Variants in ACAD8 observed in about 807,000 individuals in gnomAD.
ACAD8 encodes isobutyryl-CoA dehydrogenase, mitochondrial.
A neutral mutation model predicts 53.1 loss-of-function variants in ACAD8; 47 were observed. The observed-to-expected ratio is 0.89, with a 90% confidence interval of 0.70 to 1.13. The LOEUF (loss-of-function observed/expected upper bound fraction) is 1.13. Among genes scored for constraint, ACAD8 ranks in the 50% most tolerant of loss-of-function variants. The pLI, the probability that ACAD8 is intolerant of heterozygous loss-of-function variation, is 0.00. For missense variants in ACAD8, 494 were observed against 535.0 expected, an observed-to-expected ratio of 0.92 and a Z score of 0.76; for synonymous variants, 198 against 201.3, an observed-to-expected ratio of 0.98 and a Z score of 0.14.
chr11:134,258,625 G>A lies in ACAD8; in HGVS notation c.490+1G>A, dbSNP rs1293616430. The A allele has an allele frequency of 1.2e-6, 2 of 1,611,430 alleles. No individual in the cohort carries two copies. The highest frequency in any genetic ancestry group is 1.1e-5 in the South Asian group (1 of 90,830). On this transcript the variant is annotated splice_donor_variant, in intron 4 of 10. Transcript: ENST00000281182. LOFTEE classifies it high-confidence loss of function. ...GCTTCCTACTGCCTCACTGAACCAG[G>A]TGAATTTGCCACACTGCACTGAGAT...
Position 134,261,450 on chromosome 11 carries a change from G to C in ACAD8, c.939+78G>C, listed in dbSNP as rs561565007. ...TGCTCTAGGGCCCACATTTCCAGGA[G>C]AGAAGCCAGGAAATTCCTCTGTCAG... On this transcript the variant is annotated intron_variant, in intron 8 of 10. Transcript: ENST00000281182. The surrounding 1 kb of genome is among the most constrained non-coding windows in gnomAD (Gnocchi z 4.2). 11 of 1,553,064 alleles carry C rather than the reference G, an allele frequency of 7.1e-6. No homozygotes were observed. The highest frequency in any genetic ancestry group is 1.1e-5 in the South Asian group (1 of 89,108).
rs1347584475 is a variant in ACAD8 at position 134,261,104 on chromosome 11, G to A, written c.766G>A (p.Ala256Thr). Residue 256 changes from alanine to threonine, a missense_variant, in exon 7 of 11, where the codon GCC (alanine) becomes ACC (threonine). Physicochemically the swap from Ala to Thr is moderately conservative, Grantham distance 58. Transcript: ENST00000281182. This position sits in a 1 kb window ranked among gnomAD's most constrained non-coding sequence, Gnocchi z 4.2. ...CTTCGAAGACTGTGCTGTCCCTGTG[G>A]CCAACAGAATTGGGAGCGAGGGGCA... The part of the protein sequence containing the change: ...VIFEDCAVPV[A>T]NRIGSEGQGF... 16 of 1,611,968 alleles carry A rather than the reference G, an allele frequency of 9.9e-6. No homozygotes were observed. Among genetic ancestry groups the A allele is most frequent in the Non-Finnish European group, 1.4e-5 (16 of 1,179,204 alleles).
At chr11:134,263,881 T>G (rs1940044522) in intron 10 of ACAD8, 4 of 985,370 alleles carry the variant, frequency 4.1e-6, no homozygotes, top group African/African-American at 1.7e-5. Flanking sequence ...TGAGACGATG[T>G]GACTACTGAT....
intron 10 of ACAD8, chr11:134,263,269 G>A (rs956796834): frequency 4.0e-6 from 4 of 1,002,540 alleles, no homozygotes; most frequent in East Asian, 1.1e-4. Flanking sequence ...GAGTGACTTC[G>A]GTGAAGCAAC....
At chr11:134,260,619 TAGA>T (rs1939821566) in intron 6 of ACAD8, 1 of 300,312 alleles carries the variant, frequency 3.3e-6, no homozygotes, top group South Asian at 3.2e-5. Context: ...GTAAAAGGCT[TAGA>T]AATGGAGTTT....
chr11:134,258,640 T>C lies in ACAD8; in HGVS notation c.490+16T>C. On this transcript the variant is annotated intron_variant, in intron 4 of 10. Coordinates refer to ENST00000281182, the MANE Select transcript of ACAD8 (RefSeq NM_014384.3). Reference sequence around the variant, plus strand: ...ACTGAACCAGGTGAATTTGCCACACTGCACTGAGATATAGCAGGGAGAGAT... The same window carrying C: ...ACTGAACCAGGTGAATTTGCCACACCGCACTGAGATATAGCAGGGAGAGAT... 1.3e-6 allele frequency: 2 copies of C among 1,564,744 alleles called. No individual in the cohort carries two copies. Among genetic ancestry groups the C allele is most frequent in the South Asian group, 1.1e-5 (1 of 89,576 alleles).
Position 134,261,932 on chromosome 11 carries a change from G to C in ACAD8, c.1092+42G>C. 6.2e-7 allele frequency: 1 copy of C among 1,609,726 alleles called. No homozygotes were observed. Among genetic ancestry groups the C allele is most frequent in the South Asian group, 1.1e-5 (1 of 90,740 alleles). ...GCTCTCCTGGGATGGACAGGGAACA[G>C]CTGCTAGGCCCAGGGGTCTTGAGAG... On this transcript the variant is annotated intron_variant, in intron 9 of 10. Transcript: ENST00000281182. The surrounding 1 kb of genome is among the most constrained non-coding windows in gnomAD (Gnocchi z 4.2).
chr11:134,261,467 C>T lies in ACAD8; in HGVS notation c.939+95C>T. 1.3e-6 allele frequency: 2 copies of T among 1,523,466 alleles called. No homozygotes were observed. Among genetic ancestry groups the T allele is most frequent in the South Asian group, 2.3e-5 (2 of 87,812 alleles). The allele number at this position is 1,523,466 out of a possible 1,614,324, so 94.4% of individuals were successfully genotyped here. The stretch of plus-strand genomic sequence containing the variant: ...TTCCAGGAGAGAAGCCAGGAAATTC[C>T]TCTGTCAGTCCCACCACTGTCCTAG... On this transcript the variant is annotated intron_variant, in intron 8 of 10. Coordinates refer to ENST00000281182, the MANE Select transcript of ACAD8 (RefSeq NM_014384.3). This position sits in a 1 kb window ranked among gnomAD's most constrained non-coding sequence, Gnocchi z 4.2.
Position 134,265,063 on chromosome 11 carries a change from G to A in ACAD8, c.*103G>A. Reference sequence around the variant, plus strand: ...CAAAGGAATCATGGATTAGACCCAAGGGCTGAGCTCCTCTAGGGCAGGACC... The same window carrying A: ...CAAAGGAATCATGGATTAGACCCAAAGGCTGAGCTCCTCTAGGGCAGGACC... On this transcript the variant is annotated 3_prime_UTR_variant, in exon 11 of 11. Coordinates refer to ENST00000281182, the MANE Select transcript of ACAD8 (RefSeq NM_014384.3). 3 of 1,311,980 alleles carry A rather than the reference G, an allele frequency of 2.3e-6. No homozygotes were observed. The highest frequency in any genetic ancestry group is 2.4e-5 in the South Asian group (2 of 85,038). The allele number at this position is 1,311,980 out of a possible 1,614,324, so 81.3% of individuals were successfully genotyped here. A position where few individuals can be genotyped will look rare whatever the true frequency, so the allele number is the denominator to read the frequency against.
intron 9 of ACAD8, chr11:134,262,270 C>A: frequency 1.5e-6 from 1 of 659,126 alleles, no homozygotes; most frequent in Non-Finnish European, 2.8e-6. Flanking sequence ...CAGCTTCTGC[C>A]TGGCAGGTAA....
rs115924934 is a variant in ACAD8 at position 134,255,648 on chromosome 11, G to A, written c.110-900G>A. 2.1e-3 allele frequency among the ~76,000 whole-genome samples: 315 copies of A among 152,314 alleles called. 1 individual carries two copies. Among genetic ancestry groups the A allele is most frequent in the African/African-American group, 7.0e-3 (293 of 41,564 alleles). ...AATACCCAACATAGGTTTCTGCTCTGAGTTTCTCAAGGCAGCCTAATCGTT... is the reference window on the plus strand; with the variant it reads ...AATACCCAACATAGGTTTCTGCTCTAAGTTTCTCAAGGCAGCCTAATCGTT... On this transcript the variant is annotated intron_variant, in intron 1 of 10. Transcript: ENST00000281182.
At chr11:134,258,215 C>T in intron 3 of ACAD8, 1 of 428,578 alleles carries the variant, frequency 2.3e-6, no homozygotes, top group East Asian at 5.0e-5. Context: ...ATAGAAACTA[C>T]TAATAGAAAG....
At chr11:134,263,153 C>T (rs1428229623) in intron 10 of ACAD8, 15 of 1,069,908 alleles carry the variant, frequency 1.4e-5, no homozygotes, top group Admixed American at 9.9e-5. Flanking sequence ...ACATGGAAGC[C>T]GTTGGGGTCG....
intron 10 of ACAD8, chr11:134,263,991 T>C: frequency 2.0e-6 from 2 of 985,400 alleles, no homozygotes; most frequent in Non-Finnish European, 2.4e-6. Flanking sequence ...TTTCATTCTT[T>C]TGTAAGTCAG....
chr11:134,259,076 G>A lies in ACAD8; in HGVS notation c.559G>A (p.Gly187Ser). The A allele has an allele frequency of 1.2e-6, 2 of 1,614,106 alleles. No homozygotes were observed. The highest frequency in any genetic ancestry group is 1.7e-6 in the Non-Finnish European group (2 of 1,180,000). Residue 187 changes from glycine (G) to serine (S), a missense_variant, in exon 5 of 11, where the codon GGC (glycine) becomes AGC (serine). Coordinates refer to ENST00000281182, the MANE Select transcript of ACAD8 (RefSeq NM_014384.3). ...KKQGDHYILN[G>S]SKAFISGAGE... ...ACAGGGAGATCATTACATCCTCAAT[G>A]GCTCCAAGGTACTAGCGTGCGTCCT...
At chr11:134,254,519 G>A (rs1939360867) in intron 1 of ACAD8, among the ~76,000 whole-genome samples, 1 of 152,056 alleles carries the variant, frequency 6.6e-6, no homozygotes, top group Admixed American at 6.6e-5. Context: ...TAAATAAATG[G>A]CAGTTTTCTT....
chr11:134,261,254 G>A lies in ACAD8; in HGVS notation c.842-21G>A, dbSNP rs201716113. The A allele has an allele frequency of 3.1e-5, 50 of 1,614,062 alleles. No homozygotes were observed. Among genetic ancestry groups the A allele is most frequent in the African/African-American group, 5.3e-5 (4 of 75,020 alleles). Reference sequence around the variant, plus strand: ...TGCTGTTTTCCAGCTTGGTTGGAACGTCGGCGCTCTTCCCCTCTAGCTTCC... The same window carrying A: ...TGCTGTTTTCCAGCTTGGTTGGAACATCGGCGCTCTTCCCCTCTAGCTTCC... On this transcript the variant is annotated intron_variant, in intron 7 of 10. Coordinates refer to ENST00000281182, the MANE Select transcript of ACAD8 (RefSeq NM_014384.3). This position sits in a 1 kb window ranked among gnomAD's most constrained non-coding sequence, Gnocchi z 4.2.
intron 2 of ACAD8, 68 bp downstream of exon 2, chr11:134,256,716 C>A: frequency 7.3e-7 from 1 of 1,378,736 alleles, no homozygotes; most frequent in Non-Finnish European, 1.0e-6. Context: ...ATCTTTGTCT[C>A]CTGATAATGT....
chr11:134,256,390 C>T (rs990623921), intron 1 of ACAD8, among the ~76,000 whole-genome samples, 158 bp from the exon 2 acceptor site: 2 of 152,218 alleles, frequency 1.3e-5, no homozygotes, highest in Admixed American at 6.5e-5. Context: ...AGTGGAATAA[C>T]GACAGAAGCT....
Sources: allele counts gnomAD v4.1 joint callset (sites outside exome capture counted in the v4.1 genomes callset), GRCh38; gene constraint gnomAD v4.1.1; non-coding constraint Gnocchi (gnomAD v3.1); transcripts MANE v1.5; gene names NCBI Gene and HGNC (gene_info 2026-07-23, HGNC 2026-07-21).